The following CYYR1 variants were observed in gnomAD, a reference collection of about 807,000 sequenced individuals.
CYYR1 encodes the protein cysteine and tyrosine-rich protein 1.
CYYR1 carries 14 observed loss-of-function variants against 15.2 expected under a neutral mutation model. That is an observed-to-expected ratio of 0.92 (90% CI 0.61 to 1.44). The LOEUF (loss-of-function observed/expected upper bound fraction) is 1.44, where lower values mean the gene tolerates loss of function less well. Ranked by LOEUF, CYYR1 falls within the 40% of genes most tolerant of loss-of-function variation. CYYR1 has a pLI of 0.00. For synonymous variants in CYYR1, 80 were observed against 77.4 expected, an observed-to-expected ratio of 1.03 and a Z score of -0.18; for missense variants, 228 against 209.5, an observed-to-expected ratio of 1.09 and a Z score of -0.54.
Position 26,572,986 on chromosome 21 carries a change from C to T in CYYR1, c.-46G>A, listed in dbSNP as rs762195618. 5 of 1,612,784 alleles carry T rather than the reference C, an allele frequency of 3.1e-6. No homozygotes were observed. The highest frequency in any genetic ancestry group is 4.2e-6 in the Non-Finnish European group (5 of 1,179,480). On this transcript the variant is annotated 5_prime_UTR_variant, in exon 1 of 4. Transcript: ENST00000652641. ...TTGGAGCGAAGGGAGAGCCCGGAAC[C>T]GGAGGGAATGGGGAGGATGGAGGGC...
intron 2 of CYYR1, 26 bp downstream of exon 2, chr21:26,566,228 GAAGAGCATCAGT>G: frequency 1.4e-6 from 2 of 1,429,986 alleles, no homozygotes; most frequent in Non-Finnish European, 2.0e-6. Context: ...TGGACAAGAG[GAAGAGCATCAGT>G]ATTGCCAAAT....
At chr21:26,495,589 A>G (rs2065388471) in intron 2 of CYYR1, among the ~76,000 whole-genome samples, 1 of 152,144 alleles carries the variant, frequency 6.6e-6, no homozygotes, top group African/African-American at 2.4e-5. Context: ...GTGCTCCTGG[A>G]GCAGATCTGC....
intron 2 of CYYR1, among the ~76,000 whole-genome samples, chr21:26,533,333 T>C (rs2065956395): frequency 6.6e-6 from 1 of 151,944 alleles, no homozygotes; most frequent in Non-Finnish European, 1.5e-5. Context: ...TCACAATATG[T>C]CATTTGCAAG....
At chr21:26,473,160 T>A (rs1181402876) in intron 3 of CYYR1, among the ~76,000 whole-genome samples, 2 of 152,094 alleles carry the variant, frequency 1.3e-5, no homozygotes, top group East Asian at 3.9e-4. Context: ...TTTTAAATAG[T>A]TTTGATACCT....
At chr21:26,502,089 T>C (rs1192472533) in intron 2 of CYYR1, among the ~76,000 whole-genome samples, 1 of 152,170 alleles carries the variant, frequency 6.6e-6, no homozygotes. Flanking sequence ...CATTCTAAAT[T>C]TTAAAAATAA....
At chr21:26,549,869 G>A (rs778044894) in intron 2 of CYYR1, among the ~76,000 whole-genome samples, 90 of 152,094 alleles carry the variant, frequency 5.9e-4, no homozygotes, top group Non-Finnish European at 1.1e-3. Context: ...TTTACCCTCC[G>A]TGTAAGTCAG....
intron 2 of CYYR1, among the ~76,000 whole-genome samples, chr21:26,547,095 A>C (rs996113330): frequency 6.6e-6 from 1 of 152,058 alleles, no homozygotes; most frequent in African/African-American, 2.4e-5. Context: ...TTTTTCTTAA[A>C]ATCAAGCACA....
Position 26,521,835 on chromosome 21 carries a change from A to C in CYYR1, c.177-41406T>G, listed in dbSNP as rs1436785835. Among the ~76,000 whole-genome samples the C allele has an allele frequency of 3.3e-5, 5 of 152,208 alleles. No homozygotes were observed. The East Asian group carries it at 9.6e-4, about 29-fold the overall frequency. ...AATATTTGCTGATGTTTTATAAAGA[A>C]AATTCAGTGCACTTCTTTATCAGTC... On this transcript the variant is annotated intron_variant, in intron 2 of 3. Transcript: ENST00000652641.
chr21:26,491,716 T>G (rs1301932700), intron 2 of CYYR1, among the ~76,000 whole-genome samples: 1 of 152,214 alleles, frequency 6.6e-6, no homozygotes, highest in Non-Finnish European at 1.5e-5. Context: ...TGATGGCAAG[T>G]AGACTCCAGA....
rs181915037 is a variant in CYYR1, at chr21:26,511,237, A to G, written c.177-30808T>C. 3.8e-3 allele frequency among the ~76,000 whole-genome samples: 574 copies of G among 152,372 alleles called. 4 individuals carry two copies. Among genetic ancestry groups the G allele is most frequent in the African/African-American group, 0.013 (549 of 41,598 alleles). ...TTCTTGCCACTGGTATCTGTGTTATACACACATACTAAATATTAGTAACAT... is the reference window on the plus strand; with the variant it reads ...TTCTTGCCACTGGTATCTGTGTTATGCACACATACTAAATATTAGTAACAT... On this transcript the variant is annotated intron_variant, in intron 2 of 3. Coordinates refer to ENST00000652641, the MANE Select transcript of CYYR1 (RefSeq NM_001320768.2).
At chr21:26,497,315 A>C (rs916673690) in intron 2 of CYYR1, among the ~76,000 whole-genome samples, 11 of 152,218 alleles carry the variant, frequency 7.2e-5, no homozygotes, top group African/African-American at 2.4e-4. Flanking sequence ...TCACCAGTCC[A>C]TGATTTCAAA....
chr21:26,521,097 T>C (rs1019217116), intron 2 of CYYR1, among the ~76,000 whole-genome samples: 3 of 152,166 alleles, frequency 2.0e-5, no homozygotes, highest in African/African-American at 7.2e-5. Flanking sequence ...ACTACCTAGG[T>C]GATGGGTTGA....
intron 1 of CYYR1, among the ~76,000 whole-genome samples, chr21:26,569,751 C>T (rs144068729): frequency 2.0e-5 from 3 of 152,288 alleles, no homozygotes; most frequent in African/African-American, 4.8e-5. Flanking sequence ...TTATTAAACT[C>T]GCCATCAATA....
intron 3 of CYYR1, chr21:26,478,174 G>C: frequency 6.5e-7 from 1 of 1,547,554 alleles, no homozygotes. Flanking sequence ...TCAACATAAT[G>C]ATTAGCTAAA....
At chr21:26,488,261 C>T (rs1056179948) in intron 2 of CYYR1, among the ~76,000 whole-genome samples, 1 of 151,274 alleles carries the variant, frequency 6.6e-6, no homozygotes, top group Non-Finnish European at 1.5e-5. Context: ...TCCTTCCTTC[C>T]TTCCTTCCTT....
intron 2 of CYYR1, among the ~76,000 whole-genome samples, chr21:26,490,349 A>G (rs973189199): frequency 6.6e-6 from 1 of 152,036 alleles, no homozygotes; most frequent in African/African-American, 2.4e-5. Flanking sequence ...ACGTGCTAGC[A>G]CTATTCTGGG....
At chr21:26,548,130 C>A (rs1229877317) in intron 2 of CYYR1, among the ~76,000 whole-genome samples, 1 of 152,198 alleles carries the variant, frequency 6.6e-6, no homozygotes, top group African/African-American at 2.4e-5. Context: ...GCTATTCAAT[C>A]ACTTCGATCA....
intron 2 of CYYR1, among the ~76,000 whole-genome samples, chr21:26,561,204 T>C (rs1980171409): frequency 6.6e-6 from 1 of 152,168 alleles, no homozygotes; most frequent in South Asian, 2.1e-4. Context: ...TGTGTCATTA[T>C]TAAAACAAAA....
chr21:26,520,072 CTTCTTT>C (rs1463722066), intron 2 of CYYR1, among the ~76,000 whole-genome samples: 1 of 141,772 alleles, frequency 7.1e-6, no homozygotes, highest in Admixed American at 7.2e-5. Context: ...GAAATCATGC[CTTCTTT>C]TTCTTTATTT....
Sources: allele counts gnomAD v4.1 joint callset (sites outside exome capture counted in the v4.1 genomes callset), GRCh38; gene constraint gnomAD v4.1.1; transcripts MANE v1.5; gene names NCBI Gene and HGNC (gene_info 2026-07-23, HGNC 2026-07-21).